Variants in OMA1 observed in about 807,000 individuals in gnomAD.
OMA1 encodes metalloendopeptidase OMA1, mitochondrial.
Under a neutral mutation model 30.9 loss-of-function variants are expected in OMA1, and 38 were observed. The observed-to-expected ratio is 1.23, with a 90% CI of 0.95 to 1.61. The LOEUF is 1.61. Among genes scored for constraint, OMA1 ranks in the 40% most tolerant of loss-of-function variants. OMA1 has a pLI of 0.00. For synonymous variants in OMA1, 173 were observed against 121.9 expected (o/e 1.42, Z -2.76); for missense variants, 461 against 349.2 (o/e 1.32, Z -2.55).
intron 8 of OMA1, among the ~76,000 whole-genome samples, chr1:58,491,908 A>C (rs1261683527): frequency 6.6e-6 from 1 of 152,224 alleles, no homozygotes; most frequent in Non-Finnish European, 1.5e-5. Flanking sequence ...CTCTGCACCA[A>C]GTGGACCTAA....
chr1:58,520,378 A>C (rs1646243601), intron 7 of OMA1, among the ~76,000 whole-genome samples: 1 of 152,210 alleles, frequency 6.6e-6, no homozygotes, highest in South Asian at 2.1e-4. Flanking sequence ...TAAGAACACA[A>C]ACTTCCTTGC....
chr1:58,488,244 T>C (rs2100365742), intron 8 of OMA1, among the ~76,000 whole-genome samples: 1 of 152,350 alleles, frequency 6.6e-6, no homozygotes, highest in South Asian at 2.1e-4. Context: ...AATTTTCATG[T>C]GGTTATCCAT....
intron 3 of OMA1, 86 bp from the exon 4 acceptor site, chr1:58,534,417 T>C: frequency 1.6e-6 from 1 of 627,992 alleles, no homozygotes. Context: ...GGCTACTTAT[T>C]ATTGAACATT....
intron 8 of OMA1, among the ~76,000 whole-genome samples, chr1:58,489,817 T>C (rs1354024537): frequency 6.6e-6 from 1 of 152,170 alleles, no homozygotes; most frequent in Non-Finnish European, 1.5e-5. Flanking sequence ...CCGCTGCTGA[T>C]ATCCAGGCAA....
intron 8 of OMA1, among the ~76,000 whole-genome samples, chr1:58,499,272 A>T (rs1459909642): frequency 6.8e-6 from 1 of 147,342 alleles, no homozygotes; most frequent in Non-Finnish European, 1.5e-5. Flanking sequence ...AAAAAGTATG[A>T]AGTTTTGCCA....
Position 58,505,982 on chromosome 1 carries a change from C to A in OMA1, c.1365+78G>T. The A allele has an allele frequency of 1.1e-5, 8 of 746,974 alleles. No individual in the cohort carries two copies. In the South Asian group the frequency reaches 1.2e-4, roughly 12 times the overall value. 46.3% of individuals were successfully genotyped at this position (746,974 alleles called of 1,614,324 possible). A position where few individuals can be genotyped will look rare whatever the true frequency, so the allele number is the denominator to read the frequency against. On this transcript the variant is annotated intron_variant, in intron 8 of 8. Transcript: ENST00000371226. ...GTTAATAGGCTAGAACTCTCTTTTA[C>A]TAAGCAAAAGAAGTGACAGCATTAA...
At chr1:58,484,139 T>C (rs905839850) in intron 8 of OMA1, among the ~76,000 whole-genome samples, 2 of 152,252 alleles carry the variant, frequency 1.3e-5, no homozygotes, top group African/African-American at 4.8e-5. Flanking sequence ...AGTAAGGTGC[T>C]AGGTACACAT....
chr1:58,526,601 C>CAAAAAAAAAA (rs10574530), intron 7 of OMA1, among the ~76,000 whole-genome samples: 1 of 121,408 alleles, frequency 8.2e-6, no homozygotes, highest in Non-Finnish European at 1.7e-5. Flanking sequence ...CTATGGCTAG[C>CAAAAAAAAAA]AAAAAAAAAA....
intron 1 of OMA1, among the ~76,000 whole-genome samples, chr1:58,541,293 C>CAAAAAAAAAAAAAAAAAAA (rs71043292): frequency 3.6e-5 from 1 of 27,562 alleles, no homozygotes; most frequent in Admixed American, 8.1e-4. Flanking sequence ...GACTCTGTCT[C>CAAAAAAAAAAAAAAAAAAA]AAAAAAAAAA....
intron 7 of OMA1, among the ~76,000 whole-genome samples, chr1:58,515,000 C>A (rs1646138053): frequency 6.6e-6 from 1 of 152,112 alleles, no homozygotes; most frequent in East Asian, 1.9e-4. Flanking sequence ...CAGTGCCCAG[C>A]ACATTAAAAA....
Position 58,534,166 on chromosome 1 carries a change from C to T in OMA1, c.895G>A (p.Val299Met), listed in dbSNP as rs1330121298. Residue 299 changes from valine to methionine, a missense_variant, in exon 4 of 9, where the codon GTG becomes ATG. Transcript: ENST00000371226. ...TGAGAACATTTACTTACTGGAAGCA[C>T]GAAGGCATTAATAATTGGGGAATCA... Reference protein sequence around the residue: ...VVDSPIINAFVLPNGQMFVFT... With the variant: ...VVDSPIINAFMLPNGQMFVFT... The T allele has an allele frequency of 4.6e-6, 4 of 870,554 alleles. No homozygotes were observed. Among genetic ancestry groups the T allele is most frequent in the East Asian group, 2.4e-5 (1 of 41,634 alleles). The allele number at this position is 870,554 out of a possible 1,614,324, so 53.9% of individuals were successfully genotyped here. A position where few individuals can be genotyped will look rare whatever the true frequency, so the allele number is the denominator to read the frequency against.
intron 7 of OMA1, among the ~76,000 whole-genome samples, chr1:58,510,038 T>C (rs2100424952): frequency 6.6e-6 from 1 of 152,262 alleles, no homozygotes; most frequent in South Asian, 2.1e-4. Context: ...ATGACCTCAC[T>C]GGTGAATGCC....
At chr1:58,530,419 C>T (rs1442983841) in intron 6 of OMA1, among the ~76,000 whole-genome samples, 182 bp downstream of exon 6, 1 of 152,124 alleles carries the variant, frequency 6.6e-6, no homozygotes, top group Non-Finnish European at 1.5e-5. Context: ...TGTAGTATTC[C>T]TTAATTTAAA....
At chr1:58,503,070 A>G (rs566574100) in intron 8 of OMA1, among the ~76,000 whole-genome samples, 1 of 152,240 alleles carries the variant, frequency 6.6e-6, no homozygotes, top group Non-Finnish European at 1.5e-5. Flanking sequence ...GAAGATGCTC[A>G]GTAATTTGAT....
At chr1:58,506,347 T>G in intron 7 of OMA1, 138 bp from the exon 8 acceptor site, 2 of 553,124 alleles carry the variant, frequency 3.6e-6, no homozygotes, top group Non-Finnish European at 6.4e-6. Context: ...GCAGGTTTGT[T>G]ACATACGTAT....
At chr1:58,514,386 A>G (rs1166241809) in intron 7 of OMA1, among the ~76,000 whole-genome samples, 1 of 152,218 alleles carries the variant, frequency 6.6e-6, no homozygotes, top group African/African-American at 2.4e-5. Context: ...TAGACCAAGT[A>G]AAAGCCTAAC....
intron 8 of OMA1, among the ~76,000 whole-genome samples, chr1:58,496,015 T>G (rs1425237837): frequency 1.3e-5 from 2 of 152,184 alleles, no homozygotes; most frequent in Non-Finnish European, 2.9e-5. Context: ...GGGAATCTCC[T>G]AAAAACCCAT....
At chr1:58,535,010 A>C (rs1646494506) in intron 3 of OMA1, among the ~76,000 whole-genome samples, 1 of 152,178 alleles carries the variant, frequency 6.6e-6, no homozygotes, top group African/African-American at 2.4e-5. Flanking sequence ...AAGAAAATTA[A>C]ATTCACAATG....
chr1:58,482,222 G>A (rs1185976587), intron 8 of OMA1, among the ~76,000 whole-genome samples: 5 of 152,136 alleles, frequency 3.3e-5, no homozygotes, highest in East Asian at 1.9e-4. Context: ...GAGGGCTTAC[G>A]TCTCATCCTG....
Sources: gnomAD v4.1 joint callset for allele counts (sites outside exome capture counted in the v4.1 genomes callset) on GRCh38, gnomAD v4.1.1 for gene constraint, MANE v1.5 for transcripts, NCBI Gene and HGNC (gene_info 2026-07-23, HGNC 2026-07-21) for gene names.